The following PANX1 variants were observed in gnomAD, a reference collection of about 807,000 sequenced individuals.
PANX1 encodes pannexin-1.
In PANX1, 30 loss-of-function variants were observed where a neutral mutation model predicts 38.7. The observed-to-expected ratio is 0.78, with a 90% CI of 0.58 to 1.05. PANX1 has a LOEUF of 1.05. PANX1 is among the 50% of genes least tolerant of loss of function. The pLI is 0.00. For synonymous variants in PANX1, 230 were observed against 212.2 expected (o/e 1.08, Z -0.73); for missense variants, 551 against 517.2 (o/e 1.07, Z -0.63).
At chr11:94,178,111 G>A (rs1269330204) in intron 2 of PANX1, among the ~76,000 whole-genome samples, 1 of 151,998 alleles carries the variant, frequency 6.6e-6, no homozygotes, top group Non-Finnish European at 1.5e-5. Context: ...TGATTAGAAC[G>A]TACACACCAT....
chr11:94,177,690 G>A (rs975216100), intron 2 of PANX1, among the ~76,000 whole-genome samples: 1 of 148,272 alleles, frequency 6.7e-6, no homozygotes, highest in African/African-American at 2.4e-5. Context: ...GTGTGTGTCT[G>A]CACCCTGATG....
chr11:94,145,899 A>T (rs919629877), intron 1 of PANX1, among the ~76,000 whole-genome samples: 3 of 152,218 alleles, frequency 2.0e-5, no homozygotes, highest in African/African-American at 7.2e-5. Flanking sequence ...ATTAGAAGTA[A>T]AAGTTTCCAT....
chr11:94,169,433 G>T (rs1947138548), intron 2 of PANX1, among the ~76,000 whole-genome samples: 1 of 151,662 alleles, frequency 6.6e-6, no homozygotes, highest in Non-Finnish European at 1.5e-5. Context: ...ACATTTGGGT[G>T]GTATCATGGG....
At chr11:94,138,612 G>T (rs1946727270) in intron 1 of PANX1, among the ~76,000 whole-genome samples, 1 of 152,012 alleles carries the variant, frequency 6.6e-6, no homozygotes, top group African/African-American at 2.4e-5. Context: ...GGAGAAATTG[G>T]GTATCCATCT....
intron 2 of PANX1, among the ~76,000 whole-genome samples, chr11:94,156,602 G>A (rs1469396671): frequency 6.6e-6 from 1 of 152,100 alleles, no homozygotes; most frequent in East Asian, 1.9e-4. Context: ...GACAGAGATC[G>A]GGGATTACGA....
At chr11:94,175,083 G>A (rs1343350070) in intron 2 of PANX1, among the ~76,000 whole-genome samples, 2 of 151,760 alleles carry the variant, frequency 1.3e-5, no homozygotes, top group East Asian at 3.8e-4. Flanking sequence ...GCCTAATGTG[G>A]AGTTGACACA....
intron 1 of PANX1, among the ~76,000 whole-genome samples, chr11:94,150,472 A>G (rs1356346898): frequency 6.6e-6 from 1 of 152,218 alleles, no homozygotes; most frequent in Admixed American, 6.5e-5. Context: ...TGAAGAGTAA[A>G]TGAGATAGAG....
chr11:94,170,969 T>C (rs1238790011), intron 2 of PANX1, among the ~76,000 whole-genome samples: 1 of 151,750 alleles, frequency 6.6e-6, no homozygotes, highest in Non-Finnish European at 1.5e-5. Flanking sequence ...CATGCCTGTA[T>C]TTCTTACCTT....
At chr11:94,159,436 T>C (rs2134501980) in intron 2 of PANX1, among the ~76,000 whole-genome samples, 1 of 152,270 alleles carries the variant, frequency 6.6e-6, no homozygotes, top group East Asian at 1.9e-4. Context: ...CAGAGCCTGT[T>C]ATTGGTCTAT....
At chr11:94,156,745 C>CT (rs1946953279) in intron 2 of PANX1, among the ~76,000 whole-genome samples, 1 of 146,090 alleles carries the variant, frequency 6.8e-6, no homozygotes, top group African/African-American at 2.5e-5. Context: ...TTTAATTATA[C>CT]TTTAAGTTTT....
At chr11:94,131,909 T>A (rs572280870) in intron 1 of PANX1, among the ~76,000 whole-genome samples, 2 of 152,250 alleles carry the variant, frequency 1.3e-5, no homozygotes, top group Admixed American at 1.3e-4. Context: ...GAAATGGAGC[T>A]GGCACTTTGC....
intron 2 of PANX1, 116 bp downstream of exon 2, chr11:94,153,746 A>C: frequency 2.4e-5 from 23 of 954,968 alleles, no homozygotes; most frequent in Non-Finnish European, 3.2e-5. Flanking sequence ...GCTGTATCTC[A>C]GATTGTAAAA....
chr11:94,180,893 A>G lies in PANX1; in HGVS notation c.*24A>G. 1 of 1,361,570 alleles carries G rather than the reference A, an allele frequency of 7.3e-7. No homozygotes were observed. Among genetic ancestry groups the G allele is most frequent in the Non-Finnish European group, 1.1e-6 (1 of 949,784 alleles). The allele number at this position is 1,361,570 out of a possible 1,614,324, so 84.3% of individuals were successfully genotyped here. ...GATGATTTTTTTCCTTGAGCTGTAA[A>G]TCTGTGACTTCTGCGACATGGGATT... is the stretch of plus-strand genomic sequence containing the variant. On this transcript the variant is annotated 3_prime_UTR_variant, in exon 5 of 5. Coordinates refer to ENST00000227638, the MANE Select transcript of PANX1 (RefSeq NM_015368.4).
chr11:94,148,337 A>AG (rs1946849444), intron 1 of PANX1, among the ~76,000 whole-genome samples: 1 of 152,216 alleles, frequency 6.6e-6, no homozygotes. Context: ...TTGTAACATT[A>AG]TTGTATTTTA....
intron 2 of PANX1, among the ~76,000 whole-genome samples, chr11:94,162,292 G>A (rs1417794911): frequency 1.3e-5 from 2 of 152,180 alleles, no homozygotes; most frequent in African/African-American, 2.4e-5. Flanking sequence ...GCTGCCTTTT[G>A]TTTTGCTATT....
At chr11:94,131,868 A>G (rs1384581427) in intron 1 of PANX1, among the ~76,000 whole-genome samples, 1 of 152,184 alleles carries the variant, frequency 6.6e-6, no homozygotes, top group Non-Finnish European at 1.5e-5. Context: ...ACCAAAAAAA[A>G]GAACAGCAAT....
At chr11:94,129,912 C>T (rs1946607375) in intron 1 of PANX1, among the ~76,000 whole-genome samples, 2 of 152,196 alleles carry the variant, frequency 1.3e-5, no homozygotes, top group Non-Finnish European at 2.9e-5. Flanking sequence ...AAGACCGGTG[C>T]TCCATGAGAA....
rs147181770 is a variant in PANX1, at chr11:94,147,816, G to A, written c.182-5675G>A. 3.2e-3 allele frequency among the ~76,000 whole-genome samples: 491 copies of A among 152,268 alleles called. 4 individuals are homozygous for A. The highest frequency in any genetic ancestry group is 0.011 in the African/African-American group (454 of 41,550). On this transcript the variant is annotated intron_variant, in intron 1 of 4. Transcript: ENST00000227638. ...AGGGCAGTGCTGTCTTGACAGTGCC[G>A]TGTCTGATCTGTTGGACTCACAGGG...
chr11:94,180,170 A>T lies in PANX1; in HGVS notation c.1114A>T (p.Met372Leu), dbSNP rs371006077. The change falls in exon 4 of 5, where the codon ATG becomes TTG. Residue 372 changes from methionine (M) to leucine (L), a missense_variant. Met to Leu is a conservative substitution (Grantham distance 15). Coordinates refer to ENST00000227638, the MANE Select transcript of PANX1 (RefSeq NM_015368.4). Reference protein sequence around the residue: ...DPMLLLTNLGMIKMDVVDGKT... With the variant: ...DPMLLLTNLGLIKMDVVDGKT... ...AATGCTACTCCTGACAAACCTTGGC[A>T]TGATCAAGATGGATGTTGTTGATGG... 1.2e-6 allele frequency: 2 copies of T among 1,613,876 alleles called. No individual in the cohort carries two copies. The highest frequency in any genetic ancestry group is 2.7e-5 in the African/African-American group (2 of 74,890).
Sources: allele counts gnomAD v4.1 joint callset (sites outside exome capture counted in the v4.1 genomes callset), GRCh38; gene constraint gnomAD v4.1.1; transcripts MANE v1.5; gene names NCBI Gene and HGNC (gene_info 2026-07-23, HGNC 2026-07-21).